Variants in CAB39L observed in about 807,000 individuals in gnomAD.
The protein encoded by CAB39L is calcium-binding protein 39-like.
In CAB39L, 23 loss-of-function variants were observed where a neutral mutation model predicts 39.1. The ratio of observed to expected loss-of-function variants is 0.59; its 90% CI spans 0.42 to 0.83. The LOEUF (loss-of-function observed/expected upper bound fraction) is 0.83. CAB39L is among the 40% of genes least tolerant of loss of function. The pLI, the probability that CAB39L is intolerant of heterozygous loss-of-function variation, is 0.00. For missense variants in CAB39L, 366 were observed against 391.9 expected (o/e 0.93, Z 0.56); for synonymous variants, 126 against 137.2 (o/e 0.92, Z 0.57).
At chr13:49,429,009 C>T (rs1048203874) in intron 3 of CAB39L, among the ~76,000 whole-genome samples, 5 of 152,064 alleles carry the variant, frequency 3.3e-5, no homozygotes, top group Non-Finnish European at 5.9e-5. Flanking sequence ...ACAAAAAATG[C>T]TAAATTAATA....
chr13:49,324,369 A>C, intron 10 of CAB39L, among the ~76,000 whole-genome samples: 1 of 152,100 alleles, frequency 6.6e-6, no homozygotes, highest in Non-Finnish European at 1.5e-5. Flanking sequence ...AAGAACATAC[A>C]TATTAATTTA....
chr13:49,406,228 C>G (rs1956874687), intron 3 of CAB39L, among the ~76,000 whole-genome samples: 1 of 146,242 alleles, frequency 6.8e-6, no homozygotes, highest in Non-Finnish European at 1.5e-5. Flanking sequence ...AGTGCAGTGG[C>G]GTGATCTTGG....
chr13:49,367,861 G>A (rs1220964653), intron 5 of CAB39L, among the ~76,000 whole-genome samples: 1 of 151,396 alleles, frequency 6.6e-6, no homozygotes, highest in East Asian at 1.9e-4. Context: ...TAGGTGGAAG[G>A]TGTAGGTTGC....
chr13:49,402,686 T>A (rs757599614), intron 3 of CAB39L, among the ~76,000 whole-genome samples: 2 of 152,176 alleles, frequency 1.3e-5, no homozygotes, highest in Non-Finnish European at 2.9e-5. Context: ...GTTGTTTATA[T>A]CCCTTAAGAA....
At chr13:49,320,445 A>G (rs1566407126) in intron 10 of CAB39L, among the ~76,000 whole-genome samples, 1 of 152,100 alleles carries the variant, frequency 6.6e-6, no homozygotes, top group African/African-American at 2.4e-5. Context: ...CATGACCACA[A>G]CTCAAATATT....
At chr13:49,335,599 T>C (rs1244127259) in intron 9 of CAB39L, among the ~76,000 whole-genome samples, 1 of 152,172 alleles carries the variant, frequency 6.6e-6, no homozygotes, top group African/African-American at 2.4e-5. Flanking sequence ...TCATAGTACA[T>C]AGTTAAGCCA....
At chr13:49,357,891 G>A (rs534641413) in intron 6 of CAB39L, among the ~76,000 whole-genome samples, 2 of 152,068 alleles carry the variant, frequency 1.3e-5, no homozygotes, top group Non-Finnish European at 2.9e-5. Flanking sequence ...AACTTCATAC[G>A]GCACCCTTCC....
chr13:49,390,502 G>A (rs1956465446), intron 3 of CAB39L, among the ~76,000 whole-genome samples: 2 of 152,114 alleles, frequency 1.3e-5, no homozygotes, highest in African/African-American at 2.4e-5. Flanking sequence ...TATAAATCAC[G>A]TGCAAGAATC....
At chr13:49,410,830 T>C (rs1017976740) in intron 3 of CAB39L, among the ~76,000 whole-genome samples, 3 of 152,190 alleles carry the variant, frequency 2.0e-5, no homozygotes, top group Non-Finnish European at 4.4e-5. Flanking sequence ...ATTCATCCAG[T>C]AATTATAGTG....
intron 5 of CAB39L, among the ~76,000 whole-genome samples, chr13:49,362,428 C>A (rs1365930049): frequency 2.6e-5 from 4 of 151,794 alleles, no homozygotes. Flanking sequence ...GGTAGAAATT[C>A]TAGAGTTGAA....
intron 6 of CAB39L, among the ~76,000 whole-genome samples, chr13:49,359,356 T>C (rs940526907): frequency 6.6e-6 from 1 of 152,068 alleles, no homozygotes; most frequent in Non-Finnish European, 1.5e-5. Flanking sequence ...TGTGTGCTTA[T>C]GTGCGTGGTG....
At chr13:49,390,999 G>T (rs532907345) in intron 3 of CAB39L, among the ~76,000 whole-genome samples, 1 of 152,196 alleles carries the variant, frequency 6.6e-6, no homozygotes, top group Admixed American at 6.5e-5. Context: ...CATGTCTTCA[G>T]ATTTAAGTAA....
intron 3 of CAB39L, among the ~76,000 whole-genome samples, chr13:49,398,605 C>T (rs144451057): frequency 9.9e-5 from 15 of 152,096 alleles, no homozygotes; most frequent in African/African-American, 2.2e-4. Context: ...AGAGTTTTTA[C>T]GCCATTACAA....
intron 3 of CAB39L, among the ~76,000 whole-genome samples, chr13:49,385,542 C>A (rs1956338673): frequency 1.3e-5 from 2 of 152,248 alleles, no homozygotes; most frequent in Non-Finnish European, 2.9e-5. Flanking sequence ...GCCTAGCTTT[C>A]AGCCTACCTC....
chr13:49,370,206 T>C (rs1006641714), intron 5 of CAB39L, among the ~76,000 whole-genome samples: 2 of 152,052 alleles, frequency 1.3e-5, no homozygotes, highest in African/African-American at 4.8e-5. Context: ...TTATAGATAT[T>C]GGGAAAGATA....
chr13:49,376,891 G>GTAGATAGATAGATAGGTAGA, intron 5 of CAB39L, 76 bp downstream of exon 5: 1 of 786,904 alleles, frequency 1.3e-6, no homozygotes, highest in Non-Finnish European at 1.9e-6. Flanking sequence ...AAGTTGAATA[G>GTAGATAGATAGATAGGTAGA]TAGATAGATA....
intron 10 of CAB39L, among the ~76,000 whole-genome samples, chr13:49,326,511 A>T (rs1954504028): frequency 6.6e-6 from 1 of 152,202 alleles, no homozygotes; most frequent in Admixed American, 6.5e-5. Context: ...TCCAGCAAAG[A>T]CATTTTCAGG....
Position 49,313,252 on chromosome 13 carries a change from T to C in CAB39L, c.835-2259A>G, listed in dbSNP as rs190986657. Among the ~76,000 whole-genome samples the C allele has an allele frequency of 8.1e-3, 1,229 of 152,090 alleles. 7 individuals are homozygous for C. Among genetic ancestry groups the C allele is most frequent in the Non-Finnish European group, 0.012 (786 of 67,988 alleles). The stretch of plus-strand genomic sequence containing the variant: ...ATCCTAGTACTTTGGGAGGCCGAGG[T>C]GGGCGGATCACGAAGTCAGGAGATC... On this transcript the variant is annotated intron_variant, in intron 10 of 10. Coordinates refer to ENST00000409308, the MANE Select transcript of CAB39L (RefSeq NM_001079670.3).
intron 3 of CAB39L, among the ~76,000 whole-genome samples, chr13:49,407,868 A>AAC (rs1272393626): frequency 6.6e-6 from 1 of 151,256 alleles, no homozygotes. Flanking sequence ...TCTCAAAAAA[A>AAC]AAAAAAAAAA....
Sources: allele counts gnomAD v4.1 joint callset (sites outside exome capture counted in the v4.1 genomes callset), GRCh38; gene constraint gnomAD v4.1.1; transcripts MANE v1.5; gene names NCBI Gene and HGNC (gene_info 2026-07-23, HGNC 2026-07-21).